MGMT: variants seen among roughly 807,000 people sequenced by gnomAD.
MGMT encodes the protein methylated-DNA--protein-cysteine methyltransferase.
A neutral mutation model predicts 15.9 loss-of-function variants in MGMT; 14 were observed. The observed-to-expected ratio is 0.88, with a 90% CI of 0.58 to 1.37. The LOEUF (loss-of-function observed/expected upper bound fraction) is 1.37, where lower values mean the gene tolerates loss of function less well. Among genes scored for constraint, MGMT ranks in the 40% most tolerant of loss-of-function variants. The probability of loss-of-function intolerance (pLI) is 0.00; values close to 1 mark genes in which losing one functional copy is unlikely to be tolerated. For synonymous variants in MGMT, 130 were observed against 118.2 expected (o/e 1.10, Z -0.65); for missense variants, 282 against 268.1 (o/e 1.05, Z -0.36).
intron 2 of MGMT, among the ~76,000 whole-genome samples, chr10:129,687,644 CAG>C (rs1202886358): frequency 1.3e-5 from 2 of 151,490 alleles, no homozygotes; most frequent in Non-Finnish European, 2.9e-5. Flanking sequence ...GTGCATGTGT[CAG>C]GGGACAAAAT....
chr10:129,750,831 G>T (rs1423781498), intron 3 of MGMT, among the ~76,000 whole-genome samples: 1 of 152,022 alleles, frequency 6.6e-6, no homozygotes, highest in Non-Finnish European at 1.5e-5. Context: ...ATGCCACCCT[G>T]TCTTGATTAC....
chr10:129,606,154 A>T (rs1253643583), intron 2 of MGMT, among the ~76,000 whole-genome samples: 1 of 152,232 alleles, frequency 6.6e-6, no homozygotes, highest in Admixed American at 6.5e-5. Context: ...ACCACCCAAC[A>T]GTGTAATCAA....
Position 129,504,800 on chromosome 10 carries a change from C to T in MGMT, c.-12-31441C>T, listed in dbSNP as rs188671891. The stretch of plus-strand genomic sequence containing the variant: ...TGGTTCCCACTGTTGCCTGGGAATC[C>T]ATTTCCAAATGAGTGGGGAGAGAGA... On this transcript the variant is annotated intron_variant, in intron 1 of 4. Transcript: ENST00000651593. 3.9e-5 allele frequency among the ~76,000 whole-genome samples: 6 copies of T among 152,238 alleles called. No individual in the cohort carries two copies. The East Asian group carries it at 9.7e-4, about 25-fold the overall frequency.
At chr10:129,574,805 T>C (rs906603187) in intron 2 of MGMT, among the ~76,000 whole-genome samples, 2 of 152,200 alleles carry the variant, frequency 1.3e-5, no homozygotes, top group African/African-American at 4.8e-5. Context: ...TTTCCCACTT[T>C]AGAAATTATT....
chr10:129,687,543 G>A lies in MGMT; in HGVS notation c.126-20352G>A, dbSNP rs138698188. On this transcript the variant is annotated intron_variant, in intron 2 of 4. Coordinates refer to ENST00000651593, the MANE Select transcript of MGMT (RefSeq NM_002412.5). ...AGAGCTGGGCATCTTATTTGCATAC[G>A]GTGCAAATCTGTGGTAGCTCCACCC... 6.7e-3 allele frequency among the ~76,000 whole-genome samples: 1,022 copies of A among 152,212 alleles called. 17 individuals are homozygous for A. The highest frequency in any genetic ancestry group is 0.023 in the African/African-American group (943 of 41,512).
intron 1 of MGMT, among the ~76,000 whole-genome samples, chr10:129,482,772 GTTC>G (rs1845371724): frequency 1.3e-5 from 2 of 152,084 alleles, no homozygotes; most frequent in South Asian, 4.1e-4. Context: ...TGTTGAACCT[GTTC>G]TTGTCATTAC....
intron 2 of MGMT, among the ~76,000 whole-genome samples, chr10:129,613,433 T>G (rs188555034): frequency 3.7e-4 from 56 of 152,318 alleles, no homozygotes; most frequent in Non-Finnish European, 5.7e-4. Context: ...GCCCCTTTCC[T>G]CGAGTTTCTA....
At chr10:129,551,812 G>A (rs1314427943) in intron 2 of MGMT, among the ~76,000 whole-genome samples, 2 of 152,160 alleles carry the variant, frequency 1.3e-5, no homozygotes, top group African/African-American at 4.8e-5. Context: ...AGCCAGAGGG[G>A]TCAGGCATAG....
intron 2 of MGMT, among the ~76,000 whole-genome samples, chr10:129,543,149 G>A (rs959928035): frequency 2.0e-5 from 3 of 152,232 alleles, no homozygotes; most frequent in Non-Finnish European, 2.9e-5. Flanking sequence ...CGGACACACA[G>A]TGCTGCACAT....
chr10:129,703,292 A>T (rs931540183), intron 2 of MGMT, among the ~76,000 whole-genome samples: 1 of 152,212 alleles, frequency 6.6e-6, no homozygotes, highest in Non-Finnish European at 1.5e-5. Flanking sequence ...AAGAGTGGGA[A>T]CTGCTAGGAA....
Position 129,539,683 on chromosome 10 carries a change from T to C in MGMT, c.125+3306T>C, listed in dbSNP as rs193177753. Among the ~76,000 whole-genome samples, 497 of 152,262 alleles carry C rather than the reference T, an allele frequency of 3.3e-3. 3 individuals are homozygous for C. Among genetic ancestry groups the C allele is most frequent in the African/African-American group, 9.0e-3 (375 of 41,544 alleles). The stretch of plus-strand genomic sequence containing the variant: ...TGCCACGCCCGGCTAAATTTTTGTA[T>C]ATTTAGTAGAGACAGGGTTTCACTG... On this transcript the variant is annotated intron_variant, in intron 2 of 4. Transcript: ENST00000651593.
intron 2 of MGMT, among the ~76,000 whole-genome samples, chr10:129,552,548 G>A (rs778347814): frequency 6.6e-6 from 1 of 152,238 alleles, no homozygotes; most frequent in Non-Finnish European, 1.5e-5. Flanking sequence ...TGAGGACTGA[G>A]CCTCATAGTT....
intron 1 of MGMT, among the ~76,000 whole-genome samples, chr10:129,524,474 T>C (rs1169093907): frequency 6.6e-6 from 1 of 152,050 alleles, no homozygotes; most frequent in Non-Finnish European, 1.5e-5. Flanking sequence ...TCATGGAATC[T>C]CTTCATATAG....
chr10:129,562,549 C>T (rs1011932084), intron 2 of MGMT, among the ~76,000 whole-genome samples: 10 of 152,220 alleles, frequency 6.6e-5, no homozygotes, highest in African/African-American at 2.4e-4. Context: ...ATGTGTCAGG[C>T]AGACTGGGTG....
chr10:129,527,439 C>T (rs1407377696), intron 1 of MGMT, among the ~76,000 whole-genome samples: 3 of 152,156 alleles, frequency 2.0e-5, no homozygotes, highest in Non-Finnish European at 2.9e-5. Flanking sequence ...TTTGATGGTA[C>T]GCCGAGGGCC....
intron 3 of MGMT, among the ~76,000 whole-genome samples, chr10:129,739,906 G>T (rs936402648): frequency 2.0e-5 from 3 of 152,214 alleles, no homozygotes; most frequent in Admixed American, 1.3e-4. Flanking sequence ...GGTCAGATCA[G>T]ATCCAGGTCA....
intron 2 of MGMT, among the ~76,000 whole-genome samples, chr10:129,542,649 C>CT (rs1846056261): frequency 6.6e-6 from 1 of 152,168 alleles, no homozygotes; most frequent in South Asian, 2.1e-4. Context: ...GATTATTTTA[C>CT]TTTATAGAGT....
intron 2 of MGMT, among the ~76,000 whole-genome samples, chr10:129,600,091 C>T (rs762284367): frequency 2.0e-5 from 3 of 152,174 alleles, no homozygotes; most frequent in African/African-American, 7.2e-5. Context: ...GGACCTAAGT[C>T]TGTGTGGTGC....
intron 3 of MGMT, among the ~76,000 whole-genome samples, chr10:129,710,342 C>A (rs1848217706): frequency 6.6e-6 from 1 of 152,204 alleles, no homozygotes; most frequent in Non-Finnish European, 1.5e-5. Context: ...CCGCTCACAT[C>A]CTTCTCTCTT....
Sources: gnomAD v4.1 joint callset for allele counts (sites outside exome capture counted in the v4.1 genomes callset) on GRCh38, gnomAD v4.1.1 for gene constraint, MANE v1.5 for transcripts, NCBI Gene and HGNC (gene_info 2026-07-23, HGNC 2026-07-21) for gene names.